ZBTB16: variants seen among roughly 807,000 people sequenced by gnomAD.
ZBTB16 encodes zinc finger and BTB domain-containing protein 16.
Under a neutral mutation model 56.8 loss-of-function variants are expected in ZBTB16, and 8 were observed. That is an observed-to-expected ratio of 0.14 (90% CI 0.08 to 0.25). The LOEUF (loss-of-function observed/expected upper bound fraction) is 0.25. Ranked by LOEUF, ZBTB16 falls within the 10% of genes least tolerant of loss-of-function variation. The pLI is 1.00. For synonymous variants in ZBTB16, 363 were observed against 368.5 expected, an observed-to-expected ratio of 0.98 and a Z score of 0.17; for missense variants, 625 against 903.0, an observed-to-expected ratio of 0.69 and a Z score of 3.95.
At chr11:114,103,976 A>G (rs1340794311) in intron 2 of ZBTB16, among the ~76,000 whole-genome samples, 1 of 152,136 alleles carries the variant, frequency 6.6e-6, no homozygotes, top group Non-Finnish European at 1.5e-5. Context: ...TATCCACATC[A>G]GTTTCTTCTC....
chr11:114,196,524 C>T (rs1450894296), intron 4 of ZBTB16, among the ~76,000 whole-genome samples: 7 of 152,178 alleles, frequency 4.6e-5, no homozygotes, highest in Admixed American at 1.3e-4. Flanking sequence ...GCTCTCTCCT[C>T]CAGCCCTCAA....
intron 2 of ZBTB16, among the ~76,000 whole-genome samples, chr11:114,098,110 T>G (rs2137745960): frequency 6.6e-6 from 1 of 152,336 alleles, no homozygotes; most frequent in Non-Finnish European, 1.5e-5. Context: ...CTGCTCTTCT[T>G]CCCTTCCTCT....
At chr11:114,206,623 G>A (rs1424786828) in intron 4 of ZBTB16, among the ~76,000 whole-genome samples, 1 of 152,334 alleles carries the variant, frequency 6.6e-6, no homozygotes, top group East Asian at 1.9e-4. Flanking sequence ...TGCTAGCTGT[G>A]CTGTTCTAAG....
intron 2 of ZBTB16, among the ~76,000 whole-genome samples, chr11:114,103,909 A>G (rs1940699779): frequency 6.6e-6 from 1 of 152,174 alleles, no homozygotes; most frequent in Non-Finnish European, 1.5e-5. Flanking sequence ...CTGGGGAATC[A>G]AAGAGAAATC....
intron 3 of ZBTB16, 70 bp downstream of exon 3, chr11:114,156,504 C>T: frequency 6.8e-7 from 1 of 1,462,712 alleles, no homozygotes; most frequent in Non-Finnish European, 9.6e-7. Flanking sequence ...TACCCCTCCT[C>T]AGAGCCTGCT....
At chr11:114,069,821 T>C (rs1435916261) in intron 2 of ZBTB16, among the ~76,000 whole-genome samples, 1 of 152,212 alleles carries the variant, frequency 6.6e-6, no homozygotes, top group East Asian at 1.9e-4. Context: ...CTAATGACTT[T>C]ATCTCTCTTG....
chr11:114,223,569 C>T (rs184360119), intron 4 of ZBTB16, among the ~76,000 whole-genome samples: 122 of 152,158 alleles, frequency 8.0e-4, no homozygotes, highest in Non-Finnish European at 1.4e-3. Context: ...TTAATTCATT[C>T]GGTAAATATT....
rs373285889 is a variant in ZBTB16 at position 114,247,474 on chromosome 11, A to C, written c.1792+109A>C. 1.2e-5 allele frequency: 18 copies of C among 1,460,950 alleles called. No individual in the cohort carries two copies. In the Middle Eastern group the frequency reaches 8.9e-4, roughly 72 times the overall value. The allele number at this position is 1,460,950 out of a possible 1,614,324, so 90.5% of individuals were successfully genotyped here. A position where few individuals can be genotyped will look rare whatever the true frequency, so the allele number is the denominator to read the frequency against. On this transcript the variant is annotated intron_variant, in intron 6 of 6. Transcript: ENST00000335953. ...GTGAGGATGATCCCAGGCTGAATCA[A>C]AGAGTAGAAGAGGTTCTATTAAGAG...
intron 2 of ZBTB16, among the ~76,000 whole-genome samples, chr11:114,090,690 A>G (rs1042826833): frequency 6.6e-6 from 1 of 152,162 alleles, no homozygotes; most frequent in Non-Finnish European, 1.5e-5. Flanking sequence ...ATTGGATGCT[A>G]TGTGGGCAGG....
rs1211920824 is a variant in ZBTB16 at position 114,252,426 on chromosome 11, GTGT to G, written c.*1876_*1878del. The stretch of plus-strand genomic sequence containing the variant: ...TTTGTTTTGTTGTGTTGGGGTGGGG[GTGT>G]TGTTTTTCTAAAAGCTACCTCTTAT... On this transcript the variant is annotated 3_prime_UTR_variant, in exon 7 of 7. Transcript: ENST00000335953. 6.6e-6 allele frequency among the ~76,000 whole-genome samples: 1 copy of G among 151,752 alleles called. No homozygotes were observed. The highest frequency in any genetic ancestry group is 2.4e-5 in the African/African-American group (1 of 41,266).
chr11:114,242,059 TG>T, intron 4 of ZBTB16, 107 bp from the exon 5 acceptor site: 2 of 1,438,274 alleles, frequency 1.4e-6, no homozygotes, highest in African/African-American at 1.4e-5. Flanking sequence ...CCCCTGAGCA[TG>T]GGGATTTGGA....
rs1409325716 is a variant in ZBTB16, at chr11:114,252,825, C to T, written c.*2270C>T. On this transcript the variant is annotated 3_prime_UTR_variant, in exon 7 of 7. Transcript: ENST00000335953. ...GCCCTCCTGCCCTCCCCTTCAATCT[C>T]ATCCACCAAATCTGAAGGCCTTAAA... 6.6e-6 allele frequency among the ~76,000 whole-genome samples: 1 copy of T among 152,106 alleles called. No homozygotes were observed. Among genetic ancestry groups the T allele is most frequent in the Non-Finnish European group, 1.5e-5 (1 of 68,016 alleles).
intron 4 of ZBTB16, among the ~76,000 whole-genome samples, chr11:114,197,526 G>A (rs1943637385): frequency 6.6e-6 from 1 of 152,106 alleles, no homozygotes; most frequent in South Asian, 2.1e-4. Context: ...CAACCTTGGT[G>A]TTGGCTGCCT....
intron 5 of ZBTB16, 130 bp downstream of exon 5, chr11:114,242,467 C>T: frequency 1.5e-6 from 2 of 1,324,024 alleles, no homozygotes; most frequent in Non-Finnish European, 2.1e-6. Context: ...CTTGGACGTG[C>T]AGAGGCTGCC....
At chr11:114,238,369 A>G (rs189335907) in intron 4 of ZBTB16, among the ~76,000 whole-genome samples, 1 of 152,110 alleles carries the variant, frequency 6.6e-6, no homozygotes, top group East Asian at 1.9e-4. Context: ...TACACAGCAG[A>G]CATGCATTTC....
intron 3 of ZBTB16, among the ~76,000 whole-genome samples, chr11:114,159,258 C>T (rs1023560088): frequency 6.6e-6 from 1 of 152,198 alleles, no homozygotes; most frequent in Non-Finnish European, 1.5e-5. Flanking sequence ...ATGGCTGCTC[C>T]AGAGGCTTTG....
intron 3 of ZBTB16, among the ~76,000 whole-genome samples, chr11:114,158,120 C>CA (rs1942474287): frequency 6.6e-6 from 1 of 152,092 alleles, no homozygotes; most frequent in Non-Finnish European, 1.5e-5. Flanking sequence ...ACCAGGTTGG[C>CA]TACCCTTCCC....
chr11:114,106,228 C>T (rs988031892), intron 2 of ZBTB16, among the ~76,000 whole-genome samples: 7 of 152,050 alleles, frequency 4.6e-5, no homozygotes, highest in Non-Finnish European at 1.0e-4. Flanking sequence ...TGAAGTGTTC[C>T]GTAGCTTCTG....
intron 2 of ZBTB16, among the ~76,000 whole-genome samples, chr11:114,090,988 A>AGT (rs1042912365): frequency 6.6e-6 from 1 of 152,170 alleles, no homozygotes; most frequent in Non-Finnish European, 1.5e-5. Flanking sequence ...TGCAAATCGC[A>AGT]GTGTGTGTGT....
Sources: gnomAD v4.1 joint callset for allele counts (sites outside exome capture counted in the v4.1 genomes callset) on GRCh38, gnomAD v4.1.1 for gene constraint, MANE v1.5 for transcripts, NCBI Gene and HGNC (gene_info 2026-07-23, HGNC 2026-07-21) for gene names.